TBC1D19: variants seen among roughly 807,000 people sequenced by gnomAD.
The protein encoded by TBC1D19 is TBC1 domain family member 19, also known as TBC1 domain family, member 19.
TBC1D19 carries 60 observed loss-of-function variants against 89.0 expected under a neutral mutation model. That is an observed-to-expected ratio of 0.67 (90% CI 0.55 to 0.84). The LOEUF is 0.84. TBC1D19 is among the 40% of genes least tolerant of loss of function. The pLI is 0.00. For missense variants in TBC1D19, 500 were observed against 610.8 expected (o/e 0.82, Z 1.91); for synonymous variants, 189 against 199.7 (o/e 0.95, Z 0.45).
chr4:26,669,548 A>C (rs1410927817), intron 9 of TBC1D19, among the ~76,000 whole-genome samples: 1 of 151,790 alleles, frequency 6.6e-6, no homozygotes. Flanking sequence ...TAGGCTTCTT[A>C]TTCTTAGGAC....
At chr4:26,750,092 C>G (rs1465271742) in intron 19 of TBC1D19, among the ~76,000 whole-genome samples, 2 of 152,136 alleles carry the variant, frequency 1.3e-5, no homozygotes, top group Non-Finnish European at 2.9e-5. Flanking sequence ...CCTCGTGGCC[C>G]ATTTCATTTC....
chr4:26,633,985 C>A (rs1002224767), intron 4 of TBC1D19, among the ~76,000 whole-genome samples: 1 of 151,660 alleles, frequency 6.6e-6, no homozygotes, highest in Non-Finnish European at 1.5e-5. Context: ...TTTCTCAAAT[C>A]ATATTTGGAG....
At chr4:26,609,595 G>A (rs1428720742) in intron 1 of TBC1D19, among the ~76,000 whole-genome samples, 1 of 152,144 alleles carries the variant, frequency 6.6e-6, no homozygotes, top group Non-Finnish European at 1.5e-5. Context: ...TGGGGAGGAG[G>A]TGTGAGAAGA....
At chr4:26,813,766 T>C in the TBC1D19 span, among the ~76,000 whole-genome samples, 1 of 152,196 alleles carries the variant, frequency 6.6e-6, no homozygotes, top group Non-Finnish European at 1.5e-5. Context: ...GCGCCTCTCC[T>C]GGATTCTACT....
intron 13 of TBC1D19, among the ~76,000 whole-genome samples, chr4:26,695,600 G>T (rs1714704323): frequency 6.6e-6 from 1 of 152,198 alleles, no homozygotes; most frequent in African/African-American, 2.4e-5. Flanking sequence ...CTTAAGGGCA[G>T]CCAGAGAGAA....
chr4:26,701,744 T>TA (rs148691340), intron 13 of TBC1D19, among the ~76,000 whole-genome samples: 4 of 150,986 alleles, frequency 2.6e-5, no homozygotes, highest in Non-Finnish European at 5.9e-5. Flanking sequence ...CACAAAGACA[T>TA]AAAAAAAACC....
At chr4:26,855,378 A>G in the TBC1D19 span, among the ~76,000 whole-genome samples, 1 of 152,274 alleles carries the variant, frequency 6.6e-6, no homozygotes, top group East Asian at 1.9e-4. Flanking sequence ...CTTGTTTTTC[A>G]TACCTTAAGG....
intron 13 of TBC1D19, among the ~76,000 whole-genome samples, chr4:26,707,817 A>C (rs1261417436): frequency 1.3e-5 from 2 of 152,146 alleles, no homozygotes; most frequent in Middle Eastern, 3.4e-3. Flanking sequence ...TAACATACAA[A>C]ATTTGTATTA....
chr4:26,797,457 G>A, the TBC1D19 span, among the ~76,000 whole-genome samples: 1 of 152,156 alleles, frequency 6.6e-6, no homozygotes, highest in Non-Finnish European at 1.5e-5. Context: ...TCATTAAAAT[G>A]ACTATACTGC....
chr4:26,619,783 G>C (rs1741922765), intron 3 of TBC1D19, among the ~76,000 whole-genome samples: 1 of 152,142 alleles, frequency 6.6e-6, no homozygotes, highest in African/African-American at 2.4e-5. Flanking sequence ...TTCCAGCAAT[G>C]TTTCTATGGA....
chr4:26,697,371 T>C (rs1400365946), intron 13 of TBC1D19, among the ~76,000 whole-genome samples: 10 of 152,110 alleles, frequency 6.6e-5, no homozygotes, highest in Non-Finnish European at 5.9e-5. Context: ...CAATAAGTAA[T>C]GGCCTACCAA....
chr4:26,780,428 C>G, the TBC1D19 span, among the ~76,000 whole-genome samples: 1 of 152,210 alleles, frequency 6.6e-6, no homozygotes, highest in Non-Finnish European at 1.5e-5. Flanking sequence ...GGGAAAGCTA[C>G]TCTGGGAACT....
At chr4:26,789,064 A>G in the TBC1D19 span, among the ~76,000 whole-genome samples, 1 of 152,132 alleles carries the variant, frequency 6.6e-6, no homozygotes, top group Non-Finnish European at 1.5e-5. Flanking sequence ...TATCTTCAAC[A>G]TAGTTGTAAT....
chr4:26,821,098 T>G, the TBC1D19 span, among the ~76,000 whole-genome samples: 1 of 152,224 alleles, frequency 6.6e-6, no homozygotes, highest in African/African-American at 2.4e-5. Flanking sequence ...ACGTTTGCAA[T>G]CAAGCATGCA....
intron 13 of TBC1D19, among the ~76,000 whole-genome samples, chr4:26,701,744 T>G (rs77210884): frequency 1.3e-5 from 2 of 150,986 alleles, no homozygotes; most frequent in Non-Finnish European, 2.9e-5. Context: ...CACAAAGACA[T>G]AAAAAAAACC....
At chr4:26,833,946 A>G in the TBC1D19 span, among the ~76,000 whole-genome samples, 1 of 152,134 alleles carries the variant, frequency 6.6e-6, no homozygotes, top group African/African-American at 2.4e-5. Context: ...CCCAAATCTC[A>G]TGTCAAATGG....
chr4:26,719,704 G>A (rs1009143045), intron 14 of TBC1D19, among the ~76,000 whole-genome samples: 3 of 152,074 alleles, frequency 2.0e-5, no homozygotes, highest in African/African-American at 7.2e-5. Flanking sequence ...CCATAAAAGT[G>A]TACACACAGT....
intron 1 of TBC1D19, among the ~76,000 whole-genome samples, chr4:26,600,515 A>C (rs976529206): frequency 6.6e-6 from 1 of 152,202 alleles, no homozygotes; most frequent in Non-Finnish European, 1.5e-5. Flanking sequence ...ATAGAAGGTC[A>C]TGTAGGGTTG....
chr4:26,713,723 C>A (rs1716359093), intron 13 of TBC1D19, among the ~76,000 whole-genome samples: 1 of 151,908 alleles, frequency 6.6e-6, no homozygotes, highest in Non-Finnish European at 1.5e-5. Context: ...TAGAGTTAGG[C>A]AACATAAGGT....
Sources: allele counts gnomAD v4.1 joint callset (sites outside exome capture counted in the v4.1 genomes callset), GRCh38; gene constraint gnomAD v4.1.1; transcripts MANE v1.5; gene names NCBI Gene and HGNC (gene_info 2026-07-23, HGNC 2026-07-21).